MATN2: variants seen among roughly 807,000 people sequenced by gnomAD.
The protein encoded by MATN2 is matrilin-2.
Under a neutral mutation model 103.2 loss-of-function variants are expected in MATN2, and 69 were observed. That is an observed-to-expected ratio of 0.67 (90% CI 0.55 to 0.82). MATN2 has a LOEUF of 0.82. Among genes scored for constraint, MATN2 ranks in the 40% least tolerant of loss-of-function variants. MATN2 has a pLI of 0.00. For synonymous variants in MATN2, 429 were observed against 450.2 expected, an observed-to-expected ratio of 0.95 and a Z score of 0.60; for missense variants, 1,023 against 1,211.5, an observed-to-expected ratio of 0.84 and a Z score of 2.31.
chr8:97,899,553 C>T (rs948352462), intron 2 of MATN2, among the ~76,000 whole-genome samples: 3 of 152,140 alleles, frequency 2.0e-5, no homozygotes, highest in African/African-American at 7.2e-5. Context: ...CTGTCTTCTC[C>T]CTGTGTCTCC....
intron 1 of MATN2, among the ~76,000 whole-genome samples, chr8:97,886,126 C>T (rs1052841284): frequency 4.6e-5 from 7 of 152,104 alleles, no homozygotes; most frequent in Non-Finnish European, 1.0e-4. Context: ...CTGCACACTC[C>T]TTATGAGAAT....
chr8:97,929,888 A>T (rs76352027), intron 2 of MATN2, among the ~76,000 whole-genome samples: 1 of 152,204 alleles, frequency 6.6e-6, no homozygotes, highest in Non-Finnish European at 1.5e-5. Flanking sequence ...TGATGCTAAG[A>T]TGCCCCTCAC....
At chr8:97,949,691 G>A (rs1328796487) in intron 4 of MATN2, among the ~76,000 whole-genome samples, 1 of 152,126 alleles carries the variant, frequency 6.6e-6, no homozygotes, top group South Asian at 2.1e-4. Context: ...TCTAAAAAAA[G>A]ATTTGAACAC....
intron 2 of MATN2, among the ~76,000 whole-genome samples, chr8:97,888,692 A>G (rs1818527896): frequency 6.6e-6 from 1 of 152,194 alleles, no homozygotes; most frequent in South Asian, 2.1e-4. Flanking sequence ...GGAAAATGCC[A>G]GGGGTCTATT....
intron 10 of MATN2, among the ~76,000 whole-genome samples, chr8:98,008,500 C>G (rs1813048981): frequency 6.6e-6 from 1 of 152,230 alleles, no homozygotes; most frequent in South Asian, 2.1e-4. Flanking sequence ...ATCATCTATT[C>G]ATCTAGGCAG....
At position 97,968,373 on chromosome 8, in the gene MATN2, T is replaced by C. The variant is rs1306714115; in HGVS notation, c.958+6843T>C. Among the ~76,000 whole-genome samples the C allele has an allele frequency of 2.6e-5, 4 of 152,262 alleles. No homozygotes were observed. In the East Asian group the frequency reaches 5.8e-4, roughly 22 times the overall value. On this transcript the variant is annotated intron_variant, in intron 5 of 18. Coordinates refer to ENST00000254898, the MANE Select transcript of MATN2 (RefSeq NM_002380.5). ...TGGTTGCTCCACAGCCTGCTTGTAT[T>C]CCTGTCCTGAAAATGCCTTTTCTTT... is the stretch of plus-strand genomic sequence containing the variant.
intron 2 of MATN2, among the ~76,000 whole-genome samples, chr8:97,925,440 C>G (rs557671030): frequency 6.6e-6 from 1 of 152,060 alleles, no homozygotes; most frequent in South Asian, 2.1e-4. Flanking sequence ...TCTAACCTCT[C>G]TAGACTCACT....
intron 2 of MATN2, among the ~76,000 whole-genome samples, chr8:97,890,233 G>A (rs188899139): frequency 1.2e-3 from 186 of 152,252 alleles, no homozygotes; most frequent in African/African-American, 4.3e-3. Context: ...TTGGGAGGCC[G>A]AGGTGGGCGG....
At chr8:97,920,300 C>T (rs1809770785) in intron 2 of MATN2, among the ~76,000 whole-genome samples, 1 of 152,124 alleles carries the variant, frequency 6.6e-6, no homozygotes, top group African/African-American at 2.4e-5. Flanking sequence ...CTCTGCTTTC[C>T]ATGTTCAAGT....
chr8:97,964,736 C>T (rs1382973520), intron 5 of MATN2, among the ~76,000 whole-genome samples: 1 of 151,796 alleles, frequency 6.6e-6, no homozygotes, highest in Admixed American at 6.6e-5. Flanking sequence ...CGCCTGATGC[C>T]ATTTCTTTTT....
At chr8:97,890,974 G>A (rs1287358819) in intron 2 of MATN2, among the ~76,000 whole-genome samples, 1 of 152,186 alleles carries the variant, frequency 6.6e-6, no homozygotes, top group African/African-American at 2.4e-5. Context: ...AATAACGCAT[G>A]TATATATCCA....
At chr8:98,020,271 G>A (rs1262130358) in intron 12 of MATN2, among the ~76,000 whole-genome samples, 1 of 152,100 alleles carries the variant, frequency 6.6e-6, no homozygotes, top group Admixed American at 6.6e-5. Context: ...TCAGCCTCCT[G>A]AGTAGCTGGG....
At chr8:97,914,081 C>T (rs1167900446) in intron 2 of MATN2, among the ~76,000 whole-genome samples, 1 of 152,182 alleles carries the variant, frequency 6.6e-6, no homozygotes, top group Non-Finnish European at 1.5e-5. Context: ...AAACTCAACT[C>T]CCAGAGACAA....
Position 98,007,910 on chromosome 8 carries a change from A to G in MATN2, c.1573+309A>G, listed in dbSNP as rs1461066929. Among the ~76,000 whole-genome samples, 2 of 152,140 alleles carry G rather than the reference A, an allele frequency of 1.3e-5. No homozygotes were observed. The highest frequency in any genetic ancestry group is 2.9e-5 in the Non-Finnish European group (2 of 68,024). On this transcript the variant is annotated intron_variant, in intron 10 of 18. Coordinates refer to ENST00000254898, the MANE Select transcript of MATN2 (RefSeq NM_002380.5). This position sits in a 1 kb window ranked among gnomAD's most constrained non-coding sequence, Gnocchi z 4.2. ...CCCCAGCCAGCTAGTATGGCACATG[A>G]ATAATAATAATGTGGACCCCTCACT...
chr8:98,017,140 T>C (rs552636474), intron 11 of MATN2, among the ~76,000 whole-genome samples: 13 of 152,376 alleles, frequency 8.5e-5, no homozygotes, highest in African/African-American at 2.2e-4. Context: ...AGTGGAAAGA[T>C]GGACAGTCAG....
rs772041122 is a variant in MATN2, at chr8:98,027,518, T to C, written c.2045T>C (p.Ile682Thr). Residue 682 changes from isoleucine to threonine, a missense_variant, in exon 14 of 19, where the codon ATA (isoleucine) becomes ACA (threonine). Transcript: ENST00000254898. ...EVVKQFVTGIIDSLTISPKAA... is the reference protein window; with the variant it reads ...EVVKQFVTGITDSLTISPKAA... ...GTGAAGCAGTTTGTCACTGGAATTA[T>C]AGATTCCTTGACAATTTCCCCCAAA... The C allele has an allele frequency of 6.2e-6, 10 of 1,613,842 alleles. No individual in the cohort carries two copies. The highest frequency in any genetic ancestry group is 2.2e-5 in the South Asian group (2 of 91,090).
intron 2 of MATN2, among the ~76,000 whole-genome samples, chr8:97,917,144 A>G (rs1318301903): frequency 1.3e-5 from 2 of 152,124 alleles, no homozygotes; most frequent in Non-Finnish European, 2.9e-5. Flanking sequence ...CCCATTCCCC[A>G]GCACCTTCAT....
chr8:98,002,603 A>C (rs990677993), intron 7 of MATN2, among the ~76,000 whole-genome samples: 2 of 152,050 alleles, frequency 1.3e-5, no homozygotes, highest in Admixed American at 1.3e-4. Context: ...CGTGGCTCTC[A>C]CCCCAGCTCT....
rs71570279 is a variant in MATN2, at chr8:97,988,189, T to TATATATAC, written c.1082-6290_1082-6289insTATATACA. Among the ~76,000 whole-genome samples the TATATATAC allele has an allele frequency of 4.2e-3, 232 of 54,766 alleles. 7 individuals are homozygous for TATATATAC. Among genetic ancestry groups the TATATATAC allele is most frequent in the African/African-American group, 7.8e-3 (100 of 12,776 alleles). 35.9% of individuals were successfully genotyped at this position (54,766 alleles called of 152,430 possible). ...AAAAAAAAATATATATATATATATA[T>TATATATAC]ACACACACACACATATGTATACACA... On this transcript the variant is annotated intron_variant, in intron 6 of 18. Coordinates refer to ENST00000254898, the MANE Select transcript of MATN2 (RefSeq NM_002380.5).
Sources: gnomAD v4.1 joint callset for allele counts (sites outside exome capture counted in the v4.1 genomes callset) on GRCh38, gnomAD v4.1.1 for gene constraint, Gnocchi (gnomAD v3.1) non-coding constraint, MANE v1.5 for transcripts, NCBI Gene and HGNC (gene_info 2026-07-23, HGNC 2026-07-21) for gene names.